IST1: variants seen among roughly 807,000 people sequenced by gnomAD.
IST1 encodes IST1 factor associated with ESCRT-III, also known as IST1 homolog.
IST1 carries 23 observed loss-of-function variants against 37.0 expected under a neutral mutation model. The observed-to-expected ratio is 0.62, with a 90% CI of 0.45 to 0.88. IST1 has a LOEUF of 0.88. Among genes scored for constraint, IST1 ranks in the 40% least tolerant of loss-of-function variants. The probability of loss-of-function intolerance (pLI) is 0.00; values close to 1 mark genes in which losing one functional copy is unlikely to be tolerated. For synonymous variants in IST1, 180 were observed against 161.7 expected, an observed-to-expected ratio of 1.11 and a Z score of -0.86; for missense variants, 488 against 445.4, an observed-to-expected ratio of 1.10 and a Z score of -0.86.
intron 1 of IST1, among the ~76,000 whole-genome samples, chr16:71,899,467 T>C (rs765337211): frequency 9.2e-5 from 14 of 152,240 alleles, no homozygotes; most frequent in South Asian, 6.2e-4. Flanking sequence ...ATCTTGGAAA[T>C]GTGTCCTAGC....
At position 71,928,318 on chromosome 16, in the gene IST1, A is replaced by ACT. The variant is rs1323683949; in HGVS notation, c.*507_*508dup. ...GAATGCAAGTGGGAGAGGGAAAATG[A>ACT]CTCGGGACGCCATTGTAACGGTTCC... On this transcript the variant is annotated 3_prime_UTR_variant, in exon 10 of 10. Coordinates refer to ENST00000378799, the MANE Select transcript of IST1 (RefSeq NM_001270975.2). The ACT allele has an allele frequency of 6.0e-6, 1 of 165,546 alleles. No individual in the cohort carries two copies. Among genetic ancestry groups the ACT allele is most frequent in the Non-Finnish European group, 1.3e-5 (1 of 76,370 alleles). 10.3% of individuals were successfully genotyped at this position (165,546 alleles called of 1,614,324 possible). A position where few individuals can be genotyped will look rare whatever the true frequency, so the allele number is the denominator to read the frequency against.
intron 9 of IST1, among the ~76,000 whole-genome samples, chr16:71,926,024 G>A (rs932719811): frequency 6.6e-6 from 1 of 152,120 alleles, no homozygotes; most frequent in African/African-American, 2.4e-5. Flanking sequence ...GCTCACCCCT[G>A]TAATCCCAGC....
Position 71,921,420 on chromosome 16 carries a change from CA to C in IST1, c.521del (p.Asn174ThrfsTer18). 1 of 1,612,676 alleles carries C rather than the reference CA, an allele frequency of 6.2e-7. No homozygotes were observed. Among genetic ancestry groups the C allele is most frequent in the Non-Finnish European group, 8.5e-7 (1 of 1,178,656 alleles). On this transcript the variant is annotated frameshift_variant, in exon 6 of 10. Transcript: ENST00000378799. LOFTEE classifies it high-confidence loss of function. ...ACCTGATTGAAATTGCAAAGAATTA[CA>C]ACGTACCCTATGAACCTGACTCTGT... Reference protein sequence around the residue: ...RYLIEIAKNYNVPYEPDSVVM... With the variant: ...RYLIEIAKNYXVPYEPDSVVM...
Position 71,929,370 on chromosome 16 carries a change from T to C in IST1, c.*1557T>C. 3.1e-6 allele frequency: 2 copies of C among 635,530 alleles called. No homozygotes were observed. Among genetic ancestry groups the C allele is most frequent in the Non-Finnish European group, 5.1e-6 (2 of 396,002 alleles). The allele number at this position is 635,530 out of a possible 1,614,324, so 39.4% of individuals were successfully genotyped here. A position where few individuals can be genotyped will look rare whatever the true frequency, so the allele number is the denominator to read the frequency against. The stretch of plus-strand genomic sequence containing the variant: ...TTGTCTCGTAGTATTCTTGCATTGT[T>C]AATCCTATCTTGACAGTGCCAAGAT... On this transcript the variant is annotated 3_prime_UTR_variant, in exon 10 of 10. Transcript: ENST00000378799.
chr16:71,899,782 G>T (rs937194459), intron 1 of IST1, among the ~76,000 whole-genome samples: 1 of 152,118 alleles, frequency 6.6e-6, no homozygotes, highest in Non-Finnish European at 1.5e-5. Flanking sequence ...CCAGCACTTC[G>T]GGAGGCCGAG....
intron 1 of IST1, among the ~76,000 whole-genome samples, chr16:71,911,710 A>ATTTTTT (rs550809762): frequency 1.1e-5 from 1 of 90,886 alleles, no homozygotes. Flanking sequence ...TTAAACTTCG[A>ATTTTTT]TTTTTTTTTT....
At chr16:71,908,221 C>A (rs2037270190) in intron 1 of IST1, among the ~76,000 whole-genome samples, 1 of 149,428 alleles carries the variant, frequency 6.7e-6, no homozygotes, top group South Asian at 2.2e-4. Flanking sequence ...GGATTAGAGG[C>A]GTGAGCCACT....
chr16:71,894,889 C>A (rs1216531534), upstream of IST1: 3 of 1,433,382 alleles, frequency 2.1e-6, no homozygotes, highest in Non-Finnish European at 2.8e-6. Flanking sequence ...CTCTGAATAC[C>A]GAGATAAATT....
intron 6 of IST1, chr16:71,921,880 G>A (rs996607173): frequency 4.6e-5 from 9 of 193,596 alleles, no homozygotes; most frequent in Non-Finnish European, 9.7e-5. Flanking sequence ...GCTCACGCCT[G>A]TAATCCCAGC....
At chr16:71,906,339 C>T (rs532639917) in intron 1 of IST1, among the ~76,000 whole-genome samples, 7 of 150,978 alleles carry the variant, frequency 4.6e-5, no homozygotes, top group East Asian at 2.0e-4. Flanking sequence ...CACAGTTTTG[C>T]GCTTGTTGCC....
chr16:71,905,424 G>T (rs990688431), intron 1 of IST1, among the ~76,000 whole-genome samples: 12 of 150,574 alleles, frequency 8.0e-5, no homozygotes, highest in Non-Finnish European at 1.5e-4. Context: ...CGTTGCCCAG[G>T]CTGGAGTGCG....
intron 2 of IST1, among the ~76,000 whole-genome samples, chr16:71,916,220 CTGTT>C (rs2037462960): frequency 6.6e-6 from 1 of 152,206 alleles, no homozygotes; most frequent in Non-Finnish European, 1.5e-5. Flanking sequence ...GGGACATACT[CTGTT>C]GTTGTGGCAT....
intron 1 of IST1, among the ~76,000 whole-genome samples, chr16:71,910,753 A>G (rs1488958227): frequency 6.6e-6 from 1 of 152,200 alleles, no homozygotes; most frequent in Non-Finnish European, 1.5e-5. Context: ...GTGGTTATGT[A>G]TTAATAGAAA....
At chr16:71,921,926 A>G (rs543897787) in intron 6 of IST1, among the ~76,000 whole-genome samples, 26 of 152,334 alleles carry the variant, frequency 1.7e-4, no homozygotes, top group African/African-American at 5.5e-4. Flanking sequence ...TCACAAGGTC[A>G]GGAGATCGAG....
intron 8 of IST1, 73 bp downstream of exon 8, chr16:71,923,453 A>AG: frequency 1.1e-6 from 1 of 922,828 alleles, no homozygotes; most frequent in Non-Finnish European, 1.7e-6. Context: ...TAATGACCAC[A>AG]GGGAAGGCAG....
At chr16:71,921,924 T>C (rs923994605) in intron 6 of IST1, among the ~76,000 whole-genome samples, 2 of 152,108 alleles carry the variant, frequency 1.3e-5, no homozygotes. Context: ...GATCACAAGG[T>C]CAGGAGATCG....
chr16:71,920,297 A>G (rs1431100635), intron 4 of IST1, among the ~76,000 whole-genome samples: 1 of 152,242 alleles, frequency 6.6e-6, no homozygotes, highest in Non-Finnish European at 1.5e-5. Context: ...TATTTCTTAT[A>G]TTTAACAGCT....
chr16:71,929,807 G>T lies in IST1; in HGVS notation c.*1994G>T. The T allele has an allele frequency of 9.4e-7, 1 of 1,062,000 alleles. No individual in the cohort carries two copies. The highest frequency in any genetic ancestry group is 1.3e-6 in the Non-Finnish European group (1 of 752,914). The allele number at this position is 1,062,000 out of a possible 1,614,324, so 65.8% of individuals were successfully genotyped here. A position where few individuals can be genotyped will look rare whatever the true frequency, so the allele number is the denominator to read the frequency against. On this transcript the variant is annotated 3_prime_UTR_variant, in exon 10 of 10. Coordinates refer to ENST00000378799, the MANE Select transcript of IST1 (RefSeq NM_001270975.2). ...GATACTATTTCTTTAATAATTTGCA[G>T]TCAGGCATTGGAGTGTTTCCACTAA...
At chr16:71,924,648 T>G in intron 8 of IST1, 121 bp from the exon 9 acceptor site, 1 of 758,694 alleles carries the variant, frequency 1.3e-6, no homozygotes, top group African/African-American at 1.7e-5. Context: ...GGCAGTTTCT[T>G]TGGAACAGGC....
Sources: gnomAD v4.1 joint callset for allele counts (sites outside exome capture counted in the v4.1 genomes callset) on GRCh38, gnomAD v4.1.1 for gene constraint, MANE v1.5 for transcripts, NCBI Gene and HGNC (gene_info 2026-07-23, HGNC 2026-07-21) for gene names.